TUSC3: variants seen among roughly 807,000 people sequenced by gnomAD.
The protein encoded by TUSC3 is tumor suppressor candidate 3.
A neutral mutation model predicts 44.8 loss-of-function variants in TUSC3; 45 were observed. That is an observed-to-expected ratio of 1.00 (90% CI 0.79 to 1.29). The LOEUF (loss-of-function observed/expected upper bound fraction) is 1.29, where lower values mean the gene tolerates loss of function less well. Among genes scored for constraint, TUSC3 ranks in the 50% most tolerant of loss-of-function variants. The probability of loss-of-function intolerance (pLI) is 0.00; values close to 1 mark genes in which losing one functional copy is unlikely to be tolerated. For synonymous variants in TUSC3, 212 were observed against 152.9 expected, an observed-to-expected ratio of 1.39 and a Z score of -2.85; for missense variants, 519 against 437.9, an observed-to-expected ratio of 1.19 and a Z score of -1.65.
intron 1 of TUSC3, among the ~76,000 whole-genome samples, chr8:15,595,562 T>C (rs1360135528): frequency 2.0e-5 from 3 of 152,140 alleles, no homozygotes; most frequent in Non-Finnish European, 2.9e-5. Flanking sequence ...TACATATGTT[T>C]TGTTTCCTTT....
chr8:15,827,790 G>T, the TUSC3 span, among the ~76,000 whole-genome samples: 1 of 152,148 alleles, frequency 6.6e-6, no homozygotes, highest in Admixed American at 6.5e-5. Context: ...TAGATGAAGA[G>T]ATTTAGAACT....
intron 1 of TUSC3, among the ~76,000 whole-genome samples, chr8:15,422,500 C>T (rs947748687): frequency 2.0e-5 from 3 of 152,134 alleles, no homozygotes; most frequent in Admixed American, 2.0e-4. Flanking sequence ...AGTTCAAGAG[C>T]TCTAGTGTAC....
intron 1 of TUSC3, among the ~76,000 whole-genome samples, chr8:15,591,480 T>A (rs2129150485): frequency 6.6e-6 from 1 of 152,304 alleles, no homozygotes; most frequent in South Asian, 2.1e-4. Flanking sequence ...TCTGGAGAAA[T>A]ATTATGAGCA....
chr8:15,581,686 C>T (rs1803350347), intron 1 of TUSC3, among the ~76,000 whole-genome samples: 2 of 147,378 alleles, frequency 1.4e-5, no homozygotes, highest in South Asian at 4.3e-4. Flanking sequence ...CTCAGATCTC[C>T]AGCTGCGTGC....
chr8:15,527,850 T>A (rs1373999077), intron 2 of TUSC3, among the ~76,000 whole-genome samples: 1 of 152,246 alleles, frequency 6.6e-6, no homozygotes, highest in Non-Finnish European at 1.5e-5. Context: ...ACATTCCGTA[T>A]ACATTCTCCT....
intron 1 of TUSC3, among the ~76,000 whole-genome samples, chr8:15,435,531 T>G (rs1368939826): frequency 2.0e-5 from 3 of 152,228 alleles, no homozygotes. Flanking sequence ...AACAAAATAC[T>G]AATATAGAAG....
chr8:15,420,224 C>T (rs1004662276), intron 1 of TUSC3, among the ~76,000 whole-genome samples: 2 of 151,976 alleles, frequency 1.3e-5, no homozygotes, highest in African/African-American at 4.8e-5. Flanking sequence ...TGGCCAGGTA[C>T]GATGGTTCAT....
intron 9 of TUSC3, among the ~76,000 whole-genome samples, chr8:15,755,283 C>G (rs749758625): frequency 3.3e-5 from 5 of 152,116 alleles, no homozygotes; most frequent in Non-Finnish European, 7.4e-5. Context: ...AGAAAGATTA[C>G]ATGAGAGAAT....
chr8:15,738,570 G>T (rs1454966789), intron 7 of TUSC3, among the ~76,000 whole-genome samples: 2 of 152,030 alleles, frequency 1.3e-5, no homozygotes, highest in Non-Finnish European at 2.9e-5. Context: ...TTGCATAGCT[G>T]GAAAATACGT....
At position 15,764,683 on chromosome 8, in the gene TUSC3, T is replaced by C. The variant is rs894771851; in HGVS notation, c.*527T>C. The C allele has an allele frequency of 1.2e-5, 2 of 161,698 alleles. No homozygotes were observed. Among genetic ancestry groups the C allele is most frequent in the South Asian group, 3.4e-4 (2 of 5,798 alleles). The allele number at this position is 161,698 out of a possible 1,614,324, so 10.0% of individuals were successfully genotyped here. A position where few individuals can be genotyped will look rare whatever the true frequency, so the allele number is the denominator to read the frequency against. On this transcript the variant is annotated 3_prime_UTR_variant, in exon 11 of 11. Transcript: ENST00000503731. ...CACTGTTACGAATAGTGTTTTGTTATTAATTATAACTAGATAAAGGTATAT... is the reference window on the plus strand; with the variant it reads ...CACTGTTACGAATAGTGTTTTGTTACTAATTATAACTAGATAAAGGTATAT...
intron 6 of TUSC3, chr8:15,689,386 C>G: frequency 4.6e-6 from 1 of 217,086 alleles, no homozygotes; most frequent in South Asian, 5.9e-5. Flanking sequence ...CTGGGGGTGA[C>G]ACCATCCAGG....
chr8:15,750,405 C>T (rs1189942455), intron 9 of TUSC3, among the ~76,000 whole-genome samples: 1 of 152,052 alleles, frequency 6.6e-6, no homozygotes, highest in African/African-American at 2.4e-5. Flanking sequence ...TATTATCTGA[C>T]AGCAATATAA....
At chr8:15,552,785 A>T (rs897240800) in intron 1 of TUSC3, among the ~76,000 whole-genome samples, 5 of 151,634 alleles carry the variant, frequency 3.3e-5, no homozygotes, top group African/African-American at 1.2e-4. Flanking sequence ...TTATCTTGGG[A>T]GTGACAAAGT....
At chr8:15,444,759 A>T (rs976189614) in intron 1 of TUSC3, among the ~76,000 whole-genome samples, 1 of 111,950 alleles carries the variant, frequency 8.9e-6, no homozygotes, top group Non-Finnish European at 2.2e-5. Context: ...CATTTCTTAT[A>T]TGTATAGAAA....
intron 6 of TUSC3, among the ~76,000 whole-genome samples, chr8:15,714,963 C>T (rs916756220): frequency 6.6e-5 from 10 of 152,106 alleles, no homozygotes; most frequent in Middle Eastern, 3.2e-3. Context: ...TATGATACAA[C>T]GGTAACAGCA....
intron 2 of TUSC3, among the ~76,000 whole-genome samples, chr8:15,627,939 C>T (rs983517971): frequency 2.0e-5 from 3 of 152,202 alleles, no homozygotes; most frequent in African/African-American, 4.8e-5. Context: ...CCAGAGTGAA[C>T]CTCAGGCAAA....
chr8:15,700,297 T>C (rs1809341257), intron 6 of TUSC3, among the ~76,000 whole-genome samples: 1 of 152,142 alleles, frequency 6.6e-6, no homozygotes, highest in Non-Finnish European at 1.5e-5. Context: ...TCTGTGTAGC[T>C]CTGGGGGTGT....
At chr8:15,601,692 A>G (rs1162687560) in intron 1 of TUSC3, among the ~76,000 whole-genome samples, 1 of 151,584 alleles carries the variant, frequency 6.6e-6, no homozygotes, top group Non-Finnish European at 1.5e-5. Flanking sequence ...TTCAAGGCAA[A>G]TCTTAGGAGG....
chr8:15,587,248 C>G (rs1182708630), intron 1 of TUSC3, among the ~76,000 whole-genome samples: 4 of 152,152 alleles, frequency 2.6e-5, no homozygotes, highest in East Asian at 1.9e-4. Flanking sequence ...TTACACTGCT[C>G]TCCCTGTATC....
Sources: gnomAD v4.1 joint callset for allele counts (sites outside exome capture counted in the v4.1 genomes callset) on GRCh38, gnomAD v4.1.1 for gene constraint, MANE v1.5 for transcripts, NCBI Gene and HGNC (gene_info 2026-07-23, HGNC 2026-07-21) for gene names.